Variants in PCNT observed in about 807,000 individuals in gnomAD.
The protein encoded by PCNT is kendrin.
PCNT carries 319 observed loss-of-function variants against 380.4 expected under a neutral mutation model. The observed-to-expected ratio is 0.84, with a 90% CI of 0.77 to 0.92. The LOEUF is 0.92. Ranked by LOEUF, PCNT falls within the 40% of genes least tolerant of loss-of-function variation. The pLI is 0.00. For missense variants in PCNT, 4,400 were observed against 4,255.3 expected (o/e 1.03, Z -0.95); for synonymous variants, 1,845 against 1,735.2 (o/e 1.06, Z -1.57).
chr21:46,352,524 CGTTGCTGGCTGTCAGCTGCTGT>C (rs2084311091), intron 9 of PCNT, among the ~76,000 whole-genome samples: 1 of 152,112 alleles, frequency 6.6e-6, no homozygotes, highest in Non-Finnish European at 1.5e-5. Context: ...CTGGGGTGCC[CGTTGCTGGCTGTCAGCTGCTGT>C]AGAGCAGCGG....
rs578184928 is a variant in PCNT, at chr21:46,425,064, T to C, written c.7180-767T>C. 6.6e-6 allele frequency among the ~76,000 whole-genome samples: 1 copy of C among 152,252 alleles called. No homozygotes were observed. Among genetic ancestry groups the C allele is most frequent in the African/African-American group, 2.4e-5 (1 of 41,552 alleles). ...TTATTAGATTATTTTTCTCTTCAGG[T>C]TTTTATGCAGACGTGTCCTGTGCTT... On this transcript the variant is annotated intron_variant, in intron 32 of 46. Transcript: ENST00000359568. The surrounding 1 kb of genome is among the most constrained non-coding windows in gnomAD (Gnocchi z 4.2).
chr21:46,412,945 C>G lies in PCNT; in HGVS notation c.6103C>G (p.Leu2035Val), dbSNP rs759935874. 8 of 1,611,432 alleles carry G rather than the reference C, an allele frequency of 5.0e-6. No individual in the cohort carries two copies. The highest frequency in any genetic ancestry group is 6.8e-6 in the Non-Finnish European group (8 of 1,179,990). Reference protein sequence around the residue: ...VCQRQLQSELLLVKNEMRLSL... With the variant: ...VCQRQLQSELVLVKNEMRLSL... Reference sequence around the variant, plus strand: ...CCAGAGGCAGCTGCAGTCGGAGCTGCTCTTGGTGAAAAATGAAATGCGCCT... The same window carrying G: ...CCAGAGGCAGCTGCAGTCGGAGCTGGTCTTGGTGAAAAATGAAATGCGCCT... Residue 2035 changes from leucine (L) to valine (V), a missense_variant, in exon 29 of 47, where the codon CTC (leucine) becomes GTC (valine). Transcript: ENST00000359568.
At chr21:46,395,602 A>G (rs2147373495) in intron 21 of PCNT, among the ~76,000 whole-genome samples, 1 of 151,564 alleles carries the variant, frequency 6.6e-6, no homozygotes, top group Admixed American at 6.6e-5. Flanking sequence ...AATAATAATA[A>G]AATAGAGACT....
rs760704003 is a variant in PCNT, at chr21:46,431,881, C to T, written c.8417C>T (p.Ala2806Val). ...EEKSRVVDLQ[A>V]MLEKVQQQAL... The stretch of plus-strand genomic sequence containing the variant: ...AAGTCCCGGGTGGTGGACTTGCAAG[C>T]GATGCTTGAAAAGGTGCAGCAGCAA... The change falls in exon 38 of 47, where the codon GCG (alanine) becomes GTG (valine). Residue 2806 changes from alanine to valine, a missense_variant. Coordinates refer to ENST00000359568, the MANE Select transcript of PCNT (RefSeq NM_006031.6). 34 of 1,613,906 alleles carry T rather than the reference C, an allele frequency of 2.1e-5. No homozygotes were observed. The highest frequency in any genetic ancestry group is 2.5e-5 in the Non-Finnish European group (29 of 1,180,040).
intron 45 of PCNT, 73 bp downstream of exon 45, chr21:46,444,021 T>C (rs2053684644): frequency 1.3e-6 from 2 of 1,511,234 alleles, no homozygotes; most frequent in Non-Finnish European, 1.8e-6. Context: ...CTCAGAGAAA[T>C]GCATTTTTAG....
intron 32 of PCNT, among the ~76,000 whole-genome samples, chr21:46,423,461 G>A (rs1291076046): frequency 6.6e-6 from 1 of 151,718 alleles, no homozygotes; most frequent in South Asian, 2.1e-4. Context: ...AAGGTGCTGG[G>A]ATTACAGTGT....
At chr21:46,353,866 G>A (rs1325550886) in intron 10 of PCNT, 121 bp from the exon 11 acceptor site, 23 of 831,900 alleles carry the variant, frequency 2.8e-5, no homozygotes, top group Admixed American at 1.2e-4. Context: ...GACATTGCCC[G>A]TCCTTGACTG....
rs752697250 is a variant in PCNT at position 46,334,771 on chromosome 21, ATTCT to A, written c.639+6_639+9del. 95 of 1,614,100 alleles carry A rather than the reference ATTCT, an allele frequency of 5.9e-5. 1 individual carries two copies. Among genetic ancestry groups the A allele is most frequent in the Non-Finnish European group, 7.6e-5 (90 of 1,180,020 alleles). ...AACAGCGTGGGATGTTCACAAAGGTATTCTTTAAGTTCTCTGTTAAGGTGTATTC... is the reference window on the plus strand; with the variant it reads ...AACAGCGTGGGATGTTCACAAAGGTATTAAGTTCTCTGTTAAGGTGTATTC... On this transcript the variant is annotated splice_donor_5th_base_variant and intron_variant, in intron 3 of 46. Transcript: ENST00000359568.
At chr21:46,430,285 A>G (rs1452188217) in intron 36 of PCNT, 53 bp downstream of exon 36, 8 of 1,543,028 alleles carry the variant, frequency 5.2e-6, no homozygotes, top group Admixed American at 1.8e-5. Context: ...CCGTTGTGCC[A>G]TGTTTTCTTG....
In PCNT at chr21:46,411,707, C is replaced by A; in HGVS notation, c.5634C>A (p.Asp1878Glu). 6.2e-7 allele frequency: 1 copy of A among 1,612,748 alleles called. No individual in the cohort carries two copies. Among genetic ancestry groups the A allele is most frequent in the South Asian group, 1.1e-5 (1 of 91,086 alleles). The change falls in exon 28 of 47, where the codon GAC becomes GAA. Residue 1878 changes from aspartate to glutamate, a missense_variant. Physicochemically the swap from Asp to Glu is conservative, Grantham distance 45. Transcript: ENST00000359568. ...TTGCCGAGAGAAATTTAGAAATCGACGCTCTGAACCAGCGGAAGGCGGCCC... is the reference window on the plus strand; with the variant it reads ...TTGCCGAGAGAAATTTAGAAATCGAAGCTCTGAACCAGCGGAAGGCGGCCC... ...ATIAERNLEI[D>E]ALNQRKAAHS...
Position 46,341,175 on chromosome 21 carries a change from G to A in PCNT, c.640-4953G>A, listed in dbSNP as rs1285255601. Among the ~76,000 whole-genome samples the A allele has an allele frequency of 3.3e-5, 5 of 152,238 alleles. No individual in the cohort carries two copies. The East Asian group carries it at 5.8e-4, about 18-fold the overall frequency. ...GGGGGTTACAGGCATGAGTCACCGC[G>A]CCTGGCCAGCCCATCCACTTTGAAT... On this transcript the variant is annotated intron_variant, in intron 3 of 46. Coordinates refer to ENST00000359568, the MANE Select transcript of PCNT (RefSeq NM_006031.6).
rs1261075069 is a variant in PCNT at position 46,402,490 on chromosome 21, T to C, written c.5115+7T>C. On this transcript the variant is annotated splice_region_variant and intron_variant, in intron 27 of 46. Coordinates refer to ENST00000359568, the MANE Select transcript of PCNT (RefSeq NM_006031.6). ...AGAGAACACGAGCTTGAAGGTAAGC[T>C]ACCAAAGGTCCACGTGACGCCCGAG... The C allele has an allele frequency of 1.2e-6, 2 of 1,613,938 alleles. No homozygotes were observed. The highest frequency in any genetic ancestry group is 1.7e-5 in the Admixed American group (1 of 60,012).
intron 38 of PCNT, among the ~76,000 whole-genome samples, chr21:46,432,495 T>C (rs1337950914): frequency 6.6e-6 from 1 of 152,252 alleles, no homozygotes; most frequent in Non-Finnish European, 1.5e-5. Context: ...GATTGGTGTT[T>C]GTATTTCTGC....
intron 2 of PCNT, among the ~76,000 whole-genome samples, chr21:46,334,083 T>G (rs919002334): frequency 6.6e-6 from 1 of 151,354 alleles, no homozygotes; most frequent in Non-Finnish European, 1.5e-5. Flanking sequence ...CGGGCACCCA[T>G]AGTCCCAGCT....
In PCNT at chr21:46,431,702, C is replaced by T. The variant is rs769128963; in HGVS notation, c.8238C>T (p.Asp2746=). The T allele has an allele frequency of 3.1e-6, 5 of 1,612,518 alleles. No homozygotes were observed. The highest frequency in any genetic ancestry group is 4.2e-6 in the Non-Finnish European group (5 of 1,179,702). ...GCCAGCTCTCTGAGCTCCAGAAGGA[C>T]CTTGCGGCTGAGAAGAGCCGCACCC... ...ERSQLSELQK[D]LAAEKSRTLE... Residue 2746 remains aspartate (D), a synonymous_variant, in exon 38 of 47, where the codon GAC becomes GAT. Transcript: ENST00000359568.
chr21:46,434,171 T>C (rs1413020938), intron 38 of PCNT, among the ~76,000 whole-genome samples: 1 of 152,262 alleles, frequency 6.6e-6, no homozygotes, highest in East Asian at 1.9e-4. Flanking sequence ...GATAGTGGCA[T>C]GCTGGATACA....
In PCNT at chr21:46,440,156, G is replaced by A. The variant is rs748256610; in HGVS notation, c.9347G>A (p.Arg3116Gln). ...TCCCTGAGGCGCCCAGACCCCGGCC[G>A]GCTTCCACCAGCTGCCAGCGAGGAA... ...QSSLRRPDPG[R>Q]LPPAASEEAH... The change falls in exon 42 of 47, where the codon CGG (arginine) becomes CAG (glutamine). Residue 3116 changes from arginine to glutamine, a missense_variant. Arg to Gln is a conservative substitution (Grantham distance 43). Transcript: ENST00000359568. The A allele has an allele frequency of 1.6e-5, 26 of 1,613,986 alleles. 2 individuals are homozygous for A. In the South Asian group the frequency reaches 2.0e-4, roughly 12 times the overall value.
rs1458477642 is a variant in PCNT, at chr21:46,357,061, C to CT, written c.2025dup (p.Glu676Ter). The CT allele has an allele frequency of 6.2e-7, 1 of 1,614,188 alleles. No homozygotes were observed. The stretch of plus-strand genomic sequence containing the variant: ...GCAGCCAGAGTCTTGGGTCTGGAAA[C>CT]TGAGCACAAGGTGCAACTTTCGCTT... On this transcript the variant is annotated frameshift_variant, in exon 13 of 47. Coordinates refer to ENST00000359568, the MANE Select transcript of PCNT (RefSeq NM_006031.6). LOFTEE classifies it high-confidence loss of function.
intron 16 of PCNT, among the ~76,000 whole-genome samples, chr21:46,382,418 C>T (rs556768398): frequency 1.4e-5 from 2 of 144,900 alleles, no homozygotes; most frequent in Admixed American, 7.0e-5. Flanking sequence ...GCAGCAGAAG[C>T]GCATTCACGG....
Sources: gnomAD v4.1 joint callset for allele counts (sites outside exome capture counted in the v4.1 genomes callset) on GRCh38, gnomAD v4.1.1 for gene constraint, Gnocchi (gnomAD v3.1) non-coding constraint, MANE v1.5 for transcripts, NCBI Gene and HGNC (gene_info 2026-07-23, HGNC 2026-07-21) for gene names.